Variants in FAM53B observed in about 807,000 individuals in gnomAD.
FAM53B encodes the protein protein FAM53B.
FAM53B carries 12 observed loss-of-function variants against 32.7 expected under a neutral mutation model. That is an observed-to-expected ratio of 0.37 (90% confidence interval 0.24 to 0.59). The LOEUF (loss-of-function observed/expected upper bound fraction) is 0.59. Among genes scored for constraint, FAM53B ranks in the 20% least tolerant of loss-of-function variants. The pLI, the probability that FAM53B is intolerant of heterozygous loss-of-function variation, is 0.72. For synonymous variants in FAM53B, 234 were observed against 228.7 expected (o/e 1.02, Z -0.21); for missense variants, 477 against 577.7 (o/e 0.83, Z 1.79).
chr10:124,691,085 T>C (rs1443069238), intron 3 of FAM53B, among the ~76,000 whole-genome samples: 2 of 152,336 alleles, frequency 1.3e-5, no homozygotes, highest in East Asian at 3.9e-4. Context: ...GCGCAATCAT[T>C]TTCCACTTTC....
chr10:124,732,360 G>A (rs980829674), intron 1 of FAM53B, among the ~76,000 whole-genome samples: 4 of 152,174 alleles, frequency 2.6e-5, no homozygotes, highest in Admixed American at 1.3e-4. Flanking sequence ...ACGCTCAGTC[G>A]TCGTCTTACA....
chr10:124,661,306 T>C (rs1487397771), intron 4 of FAM53B, among the ~76,000 whole-genome samples: 2 of 152,164 alleles, frequency 1.3e-5, no homozygotes, highest in Non-Finnish European at 2.9e-5. Context: ...CTGGGACCTC[T>C]GTCCTCTGTG....
At chr10:124,735,155 C>G (rs1950166337) in intron 1 of FAM53B, among the ~76,000 whole-genome samples, 1 of 152,180 alleles carries the variant, frequency 6.6e-6, no homozygotes. Flanking sequence ...AACAAAGATG[C>G]CCACTGCAAA....
At chr10:124,743,427 C>T (rs1273812577) in intron 1 of FAM53B, among the ~76,000 whole-genome samples, 1 of 152,052 alleles carries the variant, frequency 6.6e-6, no homozygotes. Context: ...GGGCTTCCCC[C>T]GCCCGGGACA....
intron 4 of FAM53B, among the ~76,000 whole-genome samples, chr10:124,648,522 C>T (rs1264104423): frequency 6.6e-6 from 1 of 152,234 alleles, no homozygotes; most frequent in Non-Finnish European, 1.5e-5. Flanking sequence ...CCTCGTCCTG[C>T]CTGCCTCATA....
chr10:124,720,674 T>C (rs1291119221), intron 1 of FAM53B, among the ~76,000 whole-genome samples: 2 of 152,192 alleles, frequency 1.3e-5, no homozygotes, highest in Non-Finnish European at 2.9e-5. Flanking sequence ...GCAACTGTAC[T>C]CATTCATTCA....
chr10:124,695,729 T>C (rs1949864492), intron 3 of FAM53B, among the ~76,000 whole-genome samples: 1 of 152,112 alleles, frequency 6.6e-6, no homozygotes, highest in African/African-American at 2.4e-5. Context: ...CTACTCCAAG[T>C]GAAAAAAGCA....
chr10:124,669,670 C>T (rs1323282767), intron 4 of FAM53B, among the ~76,000 whole-genome samples: 3 of 152,226 alleles, frequency 2.0e-5, no homozygotes, highest in African/African-American at 7.2e-5. Context: ...CTTCCCGGGG[C>T]CCTGTGCTTC....
chr10:124,729,609 G>A (rs1950128502), intron 1 of FAM53B, among the ~76,000 whole-genome samples: 1 of 152,180 alleles, frequency 6.6e-6, no homozygotes. Context: ...AGTGGGCATT[G>A]TTTAAGGTGT....
At chr10:124,701,730 G>A (rs547734749) in intron 2 of FAM53B, among the ~76,000 whole-genome samples, 1 of 152,342 alleles carries the variant, frequency 6.6e-6, no homozygotes, top group East Asian at 1.9e-4. Flanking sequence ...ACCCAGCCAT[G>A]GCTGCCGGCA....
intron 4 of FAM53B, among the ~76,000 whole-genome samples, chr10:124,625,438 G>A (rs1170609691): frequency 1.3e-5 from 2 of 152,216 alleles, no homozygotes; most frequent in African/African-American, 2.4e-5. Flanking sequence ...GGCCATGGTG[G>A]GATTCGATGC....
chr10:124,690,264 G>A lies in FAM53B; in HGVS notation c.133+5894C>T, dbSNP rs553701262. 1.1e-4 allele frequency among the ~76,000 whole-genome samples: 17 copies of A among 152,370 alleles called. No individual in the cohort carries two copies. In the South Asian group the frequency reaches 1.7e-3, roughly 15 times the overall value. On this transcript the variant is annotated intron_variant, in intron 3 of 4. Coordinates refer to ENST00000337318, the MANE Select transcript of FAM53B (RefSeq NM_014661.4). ...GAGCATGAATGTGCATCCCAAGCAC[G>A]TGACTCATCTCATGGGTTGTCACAG...
chr10:124,654,835 C>T (rs1192675170), intron 4 of FAM53B, among the ~76,000 whole-genome samples: 1 of 152,194 alleles, frequency 6.6e-6, no homozygotes, highest in Non-Finnish European at 1.5e-5. Context: ...AAGGAGGCCC[C>T]GGCGTGCCTC....
At chr10:124,635,483 C>T (rs758502039) in intron 4 of FAM53B, among the ~76,000 whole-genome samples, 6 of 152,132 alleles carry the variant, frequency 3.9e-5, no homozygotes, top group Admixed American at 6.5e-5. Flanking sequence ...ATTAGAAAAA[C>T]GCAAACTAAA....
chr10:124,623,831 A>G (rs745513383), intron 4 of FAM53B: 112 of 514,434 alleles, frequency 2.2e-4, no homozygotes, highest in Non-Finnish European at 3.5e-4. Flanking sequence ...TCCACTATTC[A>G]CCTACTAACT....
chr10:124,728,041 T>C (rs1371809340), intron 1 of FAM53B, among the ~76,000 whole-genome samples: 1 of 152,170 alleles, frequency 6.6e-6, no homozygotes, highest in African/African-American at 2.4e-5. Context: ...ATGCTGACGA[T>C]TCAGACCCCT....
At chr10:124,623,797 T>G in intron 4 of FAM53B, 193 bp from the exon 5 acceptor site, 3 of 582,168 alleles carry the variant, frequency 5.2e-6, no homozygotes, top group Non-Finnish European at 8.9e-6. Flanking sequence ...ATGAGCGCTC[T>G]GTGCTCATAA....
Position 124,706,869 on chromosome 10 carries a change from G to A in FAM53B, c.-156C>T. 7.5e-6 allele frequency: 11 copies of A among 1,465,382 alleles called. No individual in the cohort carries two copies. Among genetic ancestry groups the A allele is most frequent in the Non-Finnish European group, 9.0e-6 (10 of 1,111,160 alleles). 90.8% of individuals were successfully genotyped at this position (1,465,382 alleles called of 1,614,324 possible). ...TGGGGTGGGGCCCTTCTGGGAAATGGCCAAATGTGGTCAACTCCCTGGAAA... is the reference window on the plus strand; with the variant it reads ...TGGGGTGGGGCCCTTCTGGGAAATGACCAAATGTGGTCAACTCCCTGGAAA... On this transcript the variant is annotated 5_prime_UTR_variant, in exon 2 of 5. Transcript: ENST00000337318.
At chr10:124,637,729 A>C (rs1589733109) in intron 4 of FAM53B, among the ~76,000 whole-genome samples, 1 of 152,092 alleles carries the variant, frequency 6.6e-6, no homozygotes, top group African/African-American at 2.4e-5. Context: ...CTCCCTGCCT[A>C]CTCAGGCTCC....
Sources: gnomAD v4.1 joint callset for allele counts (sites outside exome capture counted in the v4.1 genomes callset) on GRCh38, gnomAD v4.1.1 for gene constraint, MANE v1.5 for transcripts, NCBI Gene and HGNC (gene_info 2026-07-23, HGNC 2026-07-21) for gene names.